INPP4B: variants seen among roughly 807,000 people sequenced by gnomAD.
The protein encoded by INPP4B is inositol polyphosphate-4-phosphatase type II B.
In INPP4B, 55 loss-of-function variants were observed where a neutral mutation model predicts 122.5. The ratio of observed to expected loss-of-function variants is 0.45; its 90% CI spans 0.36 to 0.56. INPP4B has a LOEUF of 0.56. Ranked by LOEUF, INPP4B falls within the 20% of genes least tolerant of loss-of-function variation. The pLI is 0.00. For missense variants in INPP4B, 1,000 were observed against 1,097.7 expected, an observed-to-expected ratio of 0.91 and a Z score of 1.26; for synonymous variants, 403 against 388.7, an observed-to-expected ratio of 1.04 and a Z score of -0.43.
At position 142,023,670 on chromosome 4, in the gene INPP4B, G is replaced by A. The variant is rs574040198; in HGVS notation, c.*5112C>T. The A allele has an allele frequency of 9.9e-5, 15 of 152,186 alleles. No individual in the cohort carries two copies. Among genetic ancestry groups the A allele is most frequent in the South Asian group, 4.2e-4 (2 of 4,818 alleles). 9.4% of individuals were successfully genotyped at this position (152,186 alleles called of 1,614,324 possible). A position where few individuals can be genotyped will look rare whatever the true frequency, so the allele number is the denominator to read the frequency against. On this transcript the variant is annotated 3_prime_UTR_variant, in exon 26 of 26. Coordinates refer to ENST00000262992, the MANE Select transcript of INPP4B (RefSeq NM_001101669.3). ...TGATCGCGTCCTTTCATGACCTGGC[G>A]GTAATTTAGATGATTGAAGGAATAT... is the stretch of plus-strand genomic sequence containing the variant.
chr4:142,101,376 G>C (rs1405286542), intron 23 of INPP4B, among the ~76,000 whole-genome samples: 2 of 152,068 alleles, frequency 1.3e-5, no homozygotes, highest in Non-Finnish European at 2.9e-5. Context: ...CTGTGACAGA[G>C]CTCATCAAAT....
At chr4:142,172,937 A>G (rs148687667) in intron 16 of INPP4B, among the ~76,000 whole-genome samples, 2 of 152,090 alleles carry the variant, frequency 1.3e-5, no homozygotes, top group African/African-American at 4.8e-5. Flanking sequence ...ATTGAAAATC[A>G]ACTGTCACTT....
chr4:142,778,396 C>T (rs1774261852), intron 1 of INPP4B, among the ~76,000 whole-genome samples: 1 of 152,108 alleles, frequency 6.6e-6, no homozygotes, highest in Non-Finnish European at 1.5e-5. Context: ...TCTTTTGAGA[C>T]TCATGACTTG....
At chr4:142,389,191 A>C (rs1242700057) in intron 7 of INPP4B, among the ~76,000 whole-genome samples, 1 of 151,580 alleles carries the variant, frequency 6.6e-6, no homozygotes. Flanking sequence ...TGGAGATTGC[A>C]GTAAGACAAG....
intron 25 of INPP4B, among the ~76,000 whole-genome samples, chr4:142,048,484 A>G (rs1166987667): frequency 6.6e-6 from 1 of 152,112 alleles, no homozygotes; most frequent in South Asian, 2.1e-4. Context: ...GAAGGATGGA[A>G]GAAGGGCATC....
chr4:142,596,600 TAAAC>T (rs1287527536), intron 2 of INPP4B, among the ~76,000 whole-genome samples: 4 of 152,338 alleles, frequency 2.6e-5, no homozygotes, highest in Admixed American at 2.0e-4. Context: ...TAATAAGCGA[TAAAC>T]AATGTTTAAA....
chr4:142,571,505 T>C (rs1732814603), intron 2 of INPP4B, among the ~76,000 whole-genome samples: 1 of 152,132 alleles, frequency 6.6e-6, no homozygotes, highest in African/African-American at 2.4e-5. Context: ...TAATCATAAA[T>C]GCCGGAGAAA....
intron 2 of INPP4B, among the ~76,000 whole-genome samples, chr4:142,574,498 A>G (rs1249451893): frequency 6.6e-6 from 1 of 152,026 alleles, no homozygotes; most frequent in Non-Finnish European, 1.5e-5. Flanking sequence ...GTCTTGAGTC[A>G]CTTTCAGCCT....
chr4:142,172,195 A>G (rs1391135644), intron 16 of INPP4B, among the ~76,000 whole-genome samples: 1 of 151,972 alleles, frequency 6.6e-6, no homozygotes, highest in African/African-American at 2.4e-5. Flanking sequence ...CAAAATCCAT[A>G]TATTAGACGG....
chr4:142,051,523 A>G (rs1019607172), intron 25 of INPP4B, among the ~76,000 whole-genome samples: 3 of 152,038 alleles, frequency 2.0e-5, no homozygotes, highest in African/African-American at 7.2e-5. Context: ...TTTGAAATGT[A>G]CATCTATTTT....
At chr4:142,627,717 T>C (rs1430080419) in intron 2 of INPP4B, among the ~76,000 whole-genome samples, 1 of 152,052 alleles carries the variant, frequency 6.6e-6, no homozygotes, top group Non-Finnish European at 1.5e-5. Context: ...AAATTCTCTT[T>C]TTTGGTTGTG....
chr4:142,744,081 T>C (rs763345254), intron 1 of INPP4B, among the ~76,000 whole-genome samples: 5 of 151,850 alleles, frequency 3.3e-5, no homozygotes, highest in Non-Finnish European at 7.4e-5. Context: ...GAAAATATAG[T>C]CTTAATGAAA....
intron 7 of INPP4B, among the ~76,000 whole-genome samples, chr4:142,388,031 C>A (rs1005595919): frequency 3.9e-5 from 6 of 152,230 alleles, no homozygotes; most frequent in Non-Finnish European, 7.3e-5. Context: ...TTTGCTGATT[C>A]TCTTCCCCTT....
At chr4:142,652,902 CAAGACAATCCT>C (rs1305851010) in intron 2 of INPP4B, among the ~76,000 whole-genome samples, 5 of 152,114 alleles carry the variant, frequency 3.3e-5, no homozygotes, top group Admixed American at 6.5e-5. Context: ...CCTGCATTGC[CAAGACAATCCT>C]AAGACAATCC....
intron 1 of INPP4B, among the ~76,000 whole-genome samples, chr4:142,835,622 T>C (rs1454872981): frequency 6.6e-6 from 1 of 152,234 alleles, no homozygotes; most frequent in African/African-American, 2.4e-5. Flanking sequence ...GATAATTTTG[T>C]CAGATTTGAA....
intron 7 of INPP4B, among the ~76,000 whole-genome samples, chr4:142,351,980 T>C (rs1354777377): frequency 1.3e-5 from 2 of 152,028 alleles, no homozygotes; most frequent in African/African-American, 4.8e-5. Flanking sequence ...AGCTCTCTTT[T>C]ACATTTGCTT....
intron 2 of INPP4B, among the ~76,000 whole-genome samples, chr4:142,526,225 T>C (rs1269967518): frequency 7.2e-5 from 11 of 152,210 alleles, no homozygotes; most frequent in Admixed American, 5.9e-4. Flanking sequence ...GCTGTATCTA[T>C]ACTATTTAAA....
chr4:142,257,775 G>A (rs1737149797), intron 11 of INPP4B, among the ~76,000 whole-genome samples: 1 of 152,108 alleles, frequency 6.6e-6, no homozygotes, highest in East Asian at 1.9e-4. Context: ...TGGCCATACT[G>A]CCCAAGGTAA....
At chr4:142,083,825 T>C (rs1159086591) in intron 24 of INPP4B, among the ~76,000 whole-genome samples, 2 of 152,044 alleles carry the variant, frequency 1.3e-5, no homozygotes, top group African/African-American at 2.4e-5. Flanking sequence ...TAACTATATT[T>C]ATAATAATAA....
Sources: allele counts gnomAD v4.1 joint callset (sites outside exome capture counted in the v4.1 genomes callset), GRCh38; gene constraint gnomAD v4.1.1; transcripts MANE v1.5; gene names NCBI Gene and HGNC (gene_info 2026-07-23, HGNC 2026-07-21).